The following TRPC4AP variants were observed in gnomAD, a reference collection of about 807,000 sequenced individuals.
TRPC4AP encodes the protein transient receptor potential cation channel subfamily C member 4 associated protein.
TRPC4AP carries 45 observed loss-of-function variants against 99.0 expected under a neutral mutation model. That is an observed-to-expected ratio of 0.45 (90% CI 0.36 to 0.58). The LOEUF (loss-of-function observed/expected upper bound fraction) is 0.58, where lower values mean the gene tolerates loss of function less well. Among genes scored for constraint, TRPC4AP ranks in the 20% least tolerant of loss-of-function variants. TRPC4AP has a pLI of 0.00. For synonymous variants in TRPC4AP, 408 were observed against 385.8 expected (o/e 1.06, Z -0.67); for missense variants, 879 against 985.3 (o/e 0.89, Z 1.44).
intron 12 of TRPC4AP, among the ~76,000 whole-genome samples, chr20:35,009,070 T>C (rs919968006): frequency 1.1e-4 from 16 of 152,156 alleles, no homozygotes; most frequent in African/African-American, 3.4e-4. Flanking sequence ...GTCTGCCAGA[T>C]GGGGAAAGAC....
rs758085545 is a variant in TRPC4AP at position 35,092,803 on chromosome 20, G to A, written c.-22C>T. 24 of 1,501,022 alleles carry A rather than the reference G, an allele frequency of 1.6e-5. No individual in the cohort carries two copies. The Admixed American group carries it at 1.6e-4, about 10-fold the overall frequency. The allele number at this position is 1,501,022 out of a possible 1,614,324, so 93.0% of individuals were successfully genotyped here. A position where few individuals can be genotyped will look rare whatever the true frequency, so the allele number is the denominator to read the frequency against. On this transcript the variant is annotated 5_prime_UTR_variant, in exon 1 of 19. Transcript: ENST00000252015. Reference sequence around the variant, plus strand: ...CCATGTCTCCTCGTCGGACAAACAGGAAGCAAGCGGCCTCGGGGCCGCGGA... The same window carrying A: ...CCATGTCTCCTCGTCGGACAAACAGAAAGCAAGCGGCCTCGGGGCCGCGGA...
At chr20:35,068,251 A>C (rs992488542) in intron 3 of TRPC4AP, among the ~76,000 whole-genome samples, 15 of 152,210 alleles carry the variant, frequency 9.9e-5, no homozygotes, top group African/African-American at 3.6e-4. Flanking sequence ...ATACACACAT[A>C]AACACAGTAT....
At chr20:35,082,155 A>G (rs2084663921) in intron 1 of TRPC4AP, among the ~76,000 whole-genome samples, 1 of 152,222 alleles carries the variant, frequency 6.6e-6, no homozygotes, top group Non-Finnish European at 1.5e-5. Flanking sequence ...AAAAGGAGAA[A>G]TAAGGAAATC....
intron 17 of TRPC4AP, 36 bp downstream of exon 17, chr20:35,004,422 G>A (rs372520839): frequency 4.5e-6 from 7 of 1,572,464 alleles, no homozygotes; most frequent in Admixed American, 1.8e-5. Flanking sequence ...GTTTCCAATC[G>A]ACCTTCCCTG....
intron 7 of TRPC4AP, among the ~76,000 whole-genome samples, chr20:35,036,985 C>A (rs1043514547): frequency 6.6e-6 from 1 of 151,806 alleles, no homozygotes; most frequent in African/African-American, 2.4e-5. Context: ...ACACACCCCT[C>A]CCATAATTAG....
At chr20:35,053,417 T>A (rs11907438) in intron 5 of TRPC4AP, among the ~76,000 whole-genome samples, 21,157 of 152,222 alleles carry the variant, frequency 0.14, 1,856 homozygotes, top group African/African-American at 0.25. Flanking sequence ...AACGGCCTCA[T>A]AAAACTAGTG....
At chr20:35,016,850 G>A (rs781160750) in intron 9 of TRPC4AP, among the ~76,000 whole-genome samples, 3 of 152,204 alleles carry the variant, frequency 2.0e-5, no homozygotes, top group Non-Finnish European at 4.4e-5. Context: ...TCCTACAAAT[G>A]TCTCTGATTT....
chr20:35,063,449 G>A (rs913498060), intron 3 of TRPC4AP, among the ~76,000 whole-genome samples: 1 of 152,184 alleles, frequency 6.6e-6, no homozygotes, highest in Non-Finnish European at 1.5e-5. Flanking sequence ...GATGGGGAGT[G>A]ACTGCTAATT....
chr20:35,054,931 C>A (rs2083789742), intron 5 of TRPC4AP, 45 bp downstream of exon 5: 1 of 1,513,504 alleles, frequency 6.6e-7, no homozygotes, highest in Non-Finnish European at 9.2e-7. Flanking sequence ...ACATTGCAGA[C>A]CTGGTAGGGG....
chr20:35,029,736 C>T (rs1292646953), intron 8 of TRPC4AP, among the ~76,000 whole-genome samples: 6 of 145,182 alleles, frequency 4.1e-5, no homozygotes, highest in East Asian at 2.1e-4. Flanking sequence ...CCTGGGTTCA[C>T]GCCATTCTCC....
At chr20:35,080,804 G>GTTTTGT (rs1555917112) in intron 1 of TRPC4AP, among the ~76,000 whole-genome samples, 52 of 49,552 alleles carry the variant, frequency 1.0e-3, no homozygotes, top group South Asian at 3.2e-3. Context: ...GTACACTTCA[G>GTTTTGT]TTTTTTTTTT....
rs529849781 is a variant in TRPC4AP, at chr20:35,061,514, A to G, written c.415-3943T>C. Reference sequence around the variant, plus strand: ...ATTCACATGCAAATATAAGGGATGCATAACAGCCAAAACAATCTTGATCTG... The same window carrying G: ...ATTCACATGCAAATATAAGGGATGCGTAACAGCCAAAACAATCTTGATCTG... On this transcript the variant is annotated intron_variant, in intron 3 of 18. Coordinates refer to ENST00000252015, the MANE Select transcript of TRPC4AP (RefSeq NM_015638.3). Among the ~76,000 whole-genome samples, 379 of 152,346 alleles carry G rather than the reference A, an allele frequency of 2.5e-3. 3 individuals are homozygous for G. The highest frequency in any genetic ancestry group is 8.4e-3 in the African/African-American group (350 of 41,580).
At chr20:35,071,990 G>GATGGT (rs2084329969) in intron 2 of TRPC4AP, among the ~76,000 whole-genome samples, 1 of 152,226 alleles carries the variant, frequency 6.6e-6, no homozygotes, top group South Asian at 2.1e-4. Flanking sequence ...ACTAGTGTGA[G>GATGGT]ATGGTATCTC....
At chr20:35,013,227 G>C (rs985122758) in intron 10 of TRPC4AP, among the ~76,000 whole-genome samples, 161 bp from the exon 11 acceptor site, 2 of 152,038 alleles carry the variant, frequency 1.3e-5, no homozygotes, top group Admixed American at 1.3e-4. Flanking sequence ...TTCCACATCT[G>C]ATCAACAGCA....
intron 8 of TRPC4AP, among the ~76,000 whole-genome samples, chr20:35,031,182 CATG>C (rs2083183095): frequency 1.3e-5 from 2 of 152,122 alleles, no homozygotes; most frequent in Admixed American, 1.3e-4. Flanking sequence ...TATCCTTGGG[CATG>C]ATGAGCCATT....
At position 35,051,033 on chromosome 20, in the gene TRPC4AP, TACACACACACACACACACACACACACAC is replaced by T. The variant is rs34091819; in HGVS notation, c.529-1067_529-1040del. On this transcript the variant is annotated intron_variant, in intron 5 of 18. Coordinates refer to ENST00000252015, the MANE Select transcript of TRPC4AP (RefSeq NM_015638.3). ...AAGAAACTGCAGTACTGCTATAGCT[TACACACACACACACACACACACACACAC>T]ACACACACATATATATCCCACCCCT... 2.1e-5 allele frequency among the ~76,000 whole-genome samples: 3 copies of T among 144,886 alleles called. No homozygotes were observed. In the Admixed American group the frequency reaches 2.1e-4, roughly 10 times the overall value.
At chr20:35,036,868 C>T (rs1028614857) in intron 7 of TRPC4AP, among the ~76,000 whole-genome samples, 2 of 151,782 alleles carry the variant, frequency 1.3e-5, no homozygotes, top group African/African-American at 4.8e-5. Context: ...ATTGCTTGAA[C>T]CTGGGATGCA....
At chr20:35,005,405 C>T (rs1199845885) in intron 16 of TRPC4AP, among the ~76,000 whole-genome samples, 6 of 152,248 alleles carry the variant, frequency 3.9e-5, no homozygotes, top group Non-Finnish European at 8.8e-5. Flanking sequence ...ACGCACAGCA[C>T]ACTGAGGACG....
At chr20:35,079,980 C>A (rs117236853) in intron 1 of TRPC4AP, among the ~76,000 whole-genome samples, 12,056 of 146,610 alleles carry the variant, frequency 0.082, 574 homozygotes, top group South Asian at 0.13. Flanking sequence ...TATGACAGCA[C>A]CACTGCACTC....
Sources: allele counts gnomAD v4.1 joint callset (sites outside exome capture counted in the v4.1 genomes callset), GRCh38; gene constraint gnomAD v4.1.1; transcripts MANE v1.5; gene names NCBI Gene and HGNC (gene_info 2026-07-23, HGNC 2026-07-21).